The following L3MBTL3 variants were observed in gnomAD, a reference collection of about 807,000 sequenced individuals.
L3MBTL3 encodes L3MBTL histone methyl-lysine binding protein 3, also known as lethal(3)malignant brain tumor-like protein 3.
A neutral mutation model predicts 102.3 loss-of-function variants in L3MBTL3; 27 were observed. The ratio of observed to expected loss-of-function variants is 0.26; its 90% CI spans 0.19 to 0.36. The LOEUF is 0.36. L3MBTL3 is among the 10% of genes least tolerant of loss of function. The pLI is 1.00. For missense variants in L3MBTL3, 798 were observed against 955.3 expected, an observed-to-expected ratio of 0.84 and a Z score of 2.17; for synonymous variants, 340 against 320.9, an observed-to-expected ratio of 1.06 and a Z score of -0.64.
At chr6:130,055,108 C>CT in intron 7 of L3MBTL3, 63 bp from the exon 8 acceptor site, 4 of 1,209,690 alleles carry the variant, frequency 3.3e-6, no homozygotes, top group East Asian at 2.3e-5. Flanking sequence ...TGATAGCTCT[C>CT]TAACTATTCA....
At chr6:130,088,017 A>G (rs912112286) in intron 16 of L3MBTL3, among the ~76,000 whole-genome samples, 7 of 152,280 alleles carry the variant, frequency 4.6e-5, no homozygotes, top group Non-Finnish European at 8.8e-5. Flanking sequence ...CTCTTATTTT[A>G]CATATGAGAA....
chr6:130,105,319 C>T (rs1434164251), intron 19 of L3MBTL3, among the ~76,000 whole-genome samples: 2 of 152,130 alleles, frequency 1.3e-5, no homozygotes, highest in East Asian at 3.9e-4. Flanking sequence ...TAAATCAATG[C>T]ATTGTCATAG....
At chr6:130,137,124 TAC>T (rs1787770335) in intron 22 of L3MBTL3, among the ~76,000 whole-genome samples, 1 of 152,216 alleles carries the variant, frequency 6.6e-6, no homozygotes. Flanking sequence ...GTTGAGTGAA[TAC>T]ATTCATGCCT....
chr6:130,070,537 C>T (rs935333755), intron 12 of L3MBTL3, among the ~76,000 whole-genome samples: 13 of 152,040 alleles, frequency 8.6e-5, no homozygotes, highest in South Asian at 4.1e-4. Flanking sequence ...TGAATTTGTA[C>T]TGACTCATGC....
chr6:130,082,328 T>C (rs956453521), intron 14 of L3MBTL3, among the ~76,000 whole-genome samples: 1 of 152,254 alleles, frequency 6.6e-6, no homozygotes, highest in Non-Finnish European at 1.5e-5. Flanking sequence ...AGTGCTAAAC[T>C]ATAATTTTTC....
chr6:130,133,329 T>G lies in L3MBTL3; in HGVS notation c.1967-123T>G, dbSNP rs1787259409. 7 of 845,742 alleles carry G rather than the reference T, an allele frequency of 8.3e-6. No individual in the cohort carries two copies. Among genetic ancestry groups the G allele is most frequent in the African/African-American group, 1.7e-5 (1 of 58,904 alleles). The allele number at this position is 845,742 out of a possible 1,614,324, so 52.4% of individuals were successfully genotyped here. On this transcript the variant is annotated intron_variant, in intron 20 of 22. Transcript: ENST00000361794. This position sits in a 1 kb window ranked among gnomAD's most constrained non-coding sequence, Gnocchi z 4.9. ...AAGAAGAGCCTATTCAATAGTATAA[T>G]GCTGAAAGGAACCAATGCTTTAACC...
At position 130,052,895 on chromosome 6, in the gene L3MBTL3, T is replaced by C. The variant is rs138352581; in HGVS notation, c.486T>C (p.Asn162=). 10 of 1,613,726 alleles carry C rather than the reference T, an allele frequency of 6.2e-6. No homozygotes were observed. The African/African-American group carries it at 9.3e-5, about 15-fold the overall frequency. The stretch of plus-strand genomic sequence containing the variant: ...AAGAAAGGGACGTAGAAGAAGACAA[T>C]GAGGAAGAAGATCCTAAGTGTAGTC... ...QKEERDVEED[N]EEEDPKCSRK... The change falls in exon 7 of 23, where the codon AAT becomes AAC. Residue 162 remains asparagine, a synonymous_variant. Coordinates refer to ENST00000361794, the MANE Select transcript of L3MBTL3 (RefSeq NM_032438.4).
intron 20 of L3MBTL3, 102 bp downstream of exon 20, chr6:130,121,060 ATTTTATT>A: frequency 1.3e-6 from 1 of 761,742 alleles, no homozygotes; most frequent in Non-Finnish European, 2.1e-6. Context: ...TTAAAAATGA[ATTTTATT>A]TTTTATTTTT....
rs1338439383 is a variant in L3MBTL3 at position 130,049,327 on chromosome 6, A to T, written c.148A>T (p.Asn50Tyr). The T allele has an allele frequency of 1.2e-6, 2 of 1,613,782 alleles. No homozygotes were observed. Among genetic ancestry groups the T allele is most frequent in the African/African-American group, 2.7e-5 (2 of 74,902 alleles). ...FGALEVITDENEMENVKKATA... is the reference protein window; with the variant it reads ...FGALEVITDEYEMENVKKATA... ...AGCCCTGGAAGTTATTACAGATGAG[A>T]ATGAGATGGAAAATGTTAAAAAAGC... The change falls in exon 4 of 23, where the codon AAT becomes TAT. Residue 50 changes from asparagine (N) to tyrosine (Y), a missense_variant. Asn to Tyr is a moderately radical substitution (Grantham distance 143). Coordinates refer to ENST00000361794, the MANE Select transcript of L3MBTL3 (RefSeq NM_032438.4).
intron 3 of L3MBTL3, among the ~76,000 whole-genome samples, chr6:130,048,303 A>T (rs1005546795): frequency 1.3e-5 from 2 of 152,196 alleles, no homozygotes; most frequent in African/African-American, 4.8e-5. Context: ...TGAGCTTTCT[A>T]GCTTTTTCAT....
intron 2 of L3MBTL3, among the ~76,000 whole-genome samples, chr6:130,024,209 G>A (rs1381540023): frequency 2.6e-5 from 4 of 152,046 alleles, no homozygotes; most frequent in South Asian, 2.1e-4. Flanking sequence ...TGAGTCCTCC[G>A]AATGACTGAA....
At chr6:130,090,273 C>T (rs1783960501) in intron 16 of L3MBTL3, among the ~76,000 whole-genome samples, 1 of 152,026 alleles carries the variant, frequency 6.6e-6, no homozygotes, top group Non-Finnish European at 1.5e-5. Flanking sequence ...AACCAGTCTC[C>T]TGATGATGGG....
chr6:130,051,149 A>G, intron 5 of L3MBTL3, 100 bp from the exon 6 acceptor site: 6 of 951,552 alleles, frequency 6.3e-6, no homozygotes, highest in Non-Finnish European at 9.5e-6. Context: ...ACTATTCTTT[A>G]TTGTGTTGCT....
At chr6:130,106,663 T>G (rs1047706635) in intron 19 of L3MBTL3, among the ~76,000 whole-genome samples, 1 of 152,170 alleles carries the variant, frequency 6.6e-6, no homozygotes, top group African/African-American at 2.4e-5. Flanking sequence ...CATTGAGGTA[T>G]GCAGCAACGC....
chr6:130,097,382 A>G (rs2115280201), intron 18 of L3MBTL3, among the ~76,000 whole-genome samples: 1 of 152,354 alleles, frequency 6.6e-6, no homozygotes, highest in Non-Finnish European at 1.5e-5. Context: ...GATAACAAAG[A>G]AAGTTGCTAT....
At chr6:130,127,157 T>C (rs1232533077) in intron 20 of L3MBTL3, among the ~76,000 whole-genome samples, 1 of 152,186 alleles carries the variant, frequency 6.6e-6, no homozygotes, top group Non-Finnish European at 1.5e-5. Context: ...AGATGAAAAG[T>C]CTCTCTGAGC....
At chr6:130,023,504 G>T (rs1779140615) in intron 2 of L3MBTL3, among the ~76,000 whole-genome samples, 1 of 152,134 alleles carries the variant, frequency 6.6e-6, no homozygotes, top group African/African-American at 2.4e-5. Flanking sequence ...TTTGTCTGCG[G>T]AGTCACTGTG....
At chr6:130,095,217 G>T (rs926101843) in intron 18 of L3MBTL3, among the ~76,000 whole-genome samples, 6 of 152,104 alleles carry the variant, frequency 3.9e-5, no homozygotes, top group Non-Finnish European at 8.8e-5. Flanking sequence ...TATCTAGTTT[G>T]TACAGGTTGT....
chr6:130,083,168 A>G (rs1218541484), intron 14 of L3MBTL3, among the ~76,000 whole-genome samples: 1 of 152,192 alleles, frequency 6.6e-6, no homozygotes, highest in Non-Finnish European at 1.5e-5. Context: ...ACATATTAAT[A>G]TATATAAATC....
Sources: allele counts gnomAD v4.1 joint callset (sites outside exome capture counted in the v4.1 genomes callset), GRCh38; gene constraint gnomAD v4.1.1; non-coding constraint Gnocchi (gnomAD v3.1); transcripts MANE v1.5; gene names NCBI Gene and HGNC (gene_info 2026-07-23, HGNC 2026-07-21).